The following JARID2 variants were observed in gnomAD, a reference collection of about 807,000 sequenced individuals.
The protein encoded by JARID2 is protein Jumonji.
Under a neutral mutation model 125.6 loss-of-function variants are expected in JARID2, and 21 were observed. That is an observed-to-expected ratio of 0.17 (90% CI 0.12 to 0.24). The LOEUF (loss-of-function observed/expected upper bound fraction) is 0.24, where lower values mean the gene tolerates loss of function less well. Among genes scored for constraint, JARID2 ranks in the 10% least tolerant of loss-of-function variants. The probability of loss-of-function intolerance (pLI) is 1.00; values close to 1 mark genes in which losing one functional copy is unlikely to be tolerated. For missense variants in JARID2, 1,303 were observed against 1,639.6 expected (o/e 0.79, Z 3.55); for synonymous variants, 736 against 661.6 (o/e 1.11, Z -1.73).
At chr6:15,251,734 T>C (rs1473664978) in intron 1 of JARID2, among the ~76,000 whole-genome samples, 3 of 144,644 alleles carry the variant, frequency 2.1e-5, no homozygotes, top group Non-Finnish European at 4.5e-5. Context: ...ATCCCAGCAC[T>C]TTGGGAGGCT....
chr6:15,446,118 AC>A (rs1353734459), intron 3 of JARID2, among the ~76,000 whole-genome samples: 1 of 152,030 alleles, frequency 6.6e-6, no homozygotes, highest in Non-Finnish European at 1.5e-5. Flanking sequence ...CCATGTGTGT[AC>A]TGTATTCTGT....
At chr6:15,366,920 T>C (rs561288114) in intron 1 of JARID2, among the ~76,000 whole-genome samples, 11 of 152,320 alleles carry the variant, frequency 7.2e-5, no homozygotes, top group African/African-American at 2.6e-4. Flanking sequence ...ATTTGTTTTA[T>C]AATATTTATT....
intron 3 of JARID2, among the ~76,000 whole-genome samples, chr6:15,410,736 A>T (rs1004466323): frequency 6.6e-6 from 1 of 152,216 alleles, no homozygotes; most frequent in African/African-American, 2.4e-5. Context: ...CTTTCTAAAA[A>T]TTTGAAGAAG....
In JARID2 at chr6:15,350,835, A is replaced by G. The variant is rs575991530; in HGVS notation, c.46-23282A>G. Among the ~76,000 whole-genome samples the G allele has an allele frequency of 4.0e-5, 6 of 151,862 alleles. No homozygotes were observed. In the East Asian group the frequency reaches 1.2e-3, roughly 29 times the overall value. On this transcript the variant is annotated intron_variant, in intron 1 of 17. Transcript: ENST00000341776. ...ATTTGGTGTGGGAGGAATGACCAAA[A>G]TTTCACTTTTGATTGCAAAATAACT... is the stretch of plus-strand genomic sequence containing the variant.
In JARID2 at chr6:15,512,237, G is replaced by T. The variant is rs778096519; in HGVS notation, c.2982G>T (p.Gly994=). The T allele has an allele frequency of 5.0e-6, 8 of 1,614,162 alleles. No homozygotes were observed. Among genetic ancestry groups the T allele is most frequent in the Non-Finnish European group, 2.5e-6 (3 of 1,180,022 alleles). The change falls in exon 14 of 18, where the codon GGG becomes GGT. Residue 994 remains glycine, a synonymous_variant. Coordinates refer to ENST00000341776, the MANE Select transcript of JARID2 (RefSeq NM_004973.4). The part of the protein sequence containing the change: ...MISPEVLCKE[G]IKVHRTVQQS... ...CCCCGGAGGTGCTGTGCAAAGAGGGGATCAAGGTGCACAGGACCGTGCAGC... is the reference window on the plus strand; with the variant it reads ...CCCCGGAGGTGCTGTGCAAAGAGGGTATCAAGGTGCACAGGACCGTGCAGC...
intron 3 of JARID2, among the ~76,000 whole-genome samples, chr6:15,443,116 T>C (rs1485846411): frequency 6.6e-6 from 1 of 152,130 alleles, no homozygotes; most frequent in Non-Finnish European, 1.5e-5. Context: ...CCTTTCTCTC[T>C]GATGCCTGTT....
chr6:15,369,332 A>C (rs766883152), intron 1 of JARID2: 2 of 460,716 alleles, frequency 4.3e-6, no homozygotes, highest in South Asian at 3.1e-5. Context: ...TTATGACCAT[A>C]TACAAGTTTG....
intron 12 of JARID2, among the ~76,000 whole-genome samples, chr6:15,509,970 G>C (rs1345051243): frequency 6.6e-6 from 1 of 152,158 alleles, no homozygotes; most frequent in Non-Finnish European, 1.5e-5. Context: ...ATCAGTAACA[G>C]AATATGTTGG....
chr6:15,282,441 G>A (rs768779357), intron 1 of JARID2, among the ~76,000 whole-genome samples: 2 of 151,816 alleles, frequency 1.3e-5, no homozygotes, highest in South Asian at 2.1e-4. Flanking sequence ...AGCCTTTTTC[G>A]TTGGTCTGTC....
chr6:15,505,899 C>T (rs541355038), intron 9 of JARID2, among the ~76,000 whole-genome samples: 81 of 152,378 alleles, frequency 5.3e-4, no homozygotes, highest in Middle Eastern at 6.8e-3. Context: ...ACTTGGCTTT[C>T]TGGGGCTGAG....
At chr6:15,294,414 G>A (rs12205420) in intron 1 of JARID2, among the ~76,000 whole-genome samples, 5,335 of 152,242 alleles carry the variant, frequency 0.035, 146 homozygotes, top group South Asian at 0.11. Flanking sequence ...GGATGGTCTC[G>A]ATCTCCTGGC....
intron 3 of JARID2, among the ~76,000 whole-genome samples, chr6:15,440,752 T>C (rs16876354): frequency 0.13 from 20,391 of 152,286 alleles, 1,497 homozygotes; most frequent in Middle Eastern, 0.18. Context: ...TGTGCCGTTG[T>C]TTCAGCATCA....
At chr6:15,413,876 C>G (rs1437572827) in intron 3 of JARID2, among the ~76,000 whole-genome samples, 1 of 152,330 alleles carries the variant, frequency 6.6e-6, no homozygotes, top group East Asian at 1.9e-4. Flanking sequence ...ATCTCACCCT[C>G]TCAGCACTGT....
In JARID2 at chr6:15,514,345, G is replaced by A. The variant is rs114055928; in HGVS notation, c.3450+923G>A. On this transcript the variant is annotated intron_variant, in intron 16 of 17. Coordinates refer to ENST00000341776, the MANE Select transcript of JARID2 (RefSeq NM_004973.4). The stretch of plus-strand genomic sequence containing the variant: ...GGCCTGACCTGCCTCCCCGGGCCTC[G>A]TCCCTTTCCACAGTGCCTCACATCT... 1.5e-3 allele frequency among the ~76,000 whole-genome samples: 229 copies of A among 152,346 alleles called. 1 individual carries two copies. The Middle Eastern group carries it at 0.034, about 23-fold the overall frequency.
Position 15,517,172 on chromosome 6 carries a change from G to A in JARID2, c.3462G>A (p.Glu1154=). The part of the protein sequence containing the change: ...HLCYLSMVVQ[E]NENVVFCLEC... ...GCTCTTGCTTGCAGGTGGTACAAGA[G>A]AACGAAAACGTCGTGTTCTGTCTGG... The change falls in exon 17 of 18, where the codon GAG becomes GAA. Residue 1154 remains glutamate (E), a synonymous_variant. Transcript: ENST00000341776. The A allele has an allele frequency of 1.2e-6, 2 of 1,613,676 alleles. No individual in the cohort carries two copies. Among genetic ancestry groups the A allele is most frequent in the South Asian group, 1.1e-5 (1 of 91,078 alleles).
intron 1 of JARID2, among the ~76,000 whole-genome samples, chr6:15,283,386 G>C (rs1376852631): frequency 6.8e-6 from 1 of 147,090 alleles, no homozygotes; most frequent in Non-Finnish European, 1.5e-5. Context: ...TGTGGCTCAG[G>C]CTGGAGCACA....
chr6:15,342,462 C>T (rs1470020704), intron 1 of JARID2, among the ~76,000 whole-genome samples: 3 of 152,160 alleles, frequency 2.0e-5, no homozygotes, highest in Non-Finnish European at 2.9e-5. Context: ...CCTGCATTGC[C>T]TCCTAGAATT....
Position 15,507,380 on chromosome 6 carries a change from A to G in JARID2, c.2695A>G (p.Thr899Ala). The change falls in exon 11 of 18, where the codon ACA becomes GCA. Residue 899 changes from threonine (T) to alanine (A), a missense_variant. By Grantham distance (58) the Thr-to-Ala change is moderately conservative. Around this residue, in one of 11 missense-constraint regions of JARID2, gnomAD observed 27 missense variants for 108.7 expected, o/e 0.25. Transcript: ENST00000341776. ...GAACCTCACCGTCCTCCCCAATAAC[A>G]CAGGGTCCATCCTGCGTCACCTCGG... ...GWNLTVLPNN[T>A]GSILRHLGAV... The G allele has an allele frequency of 1.2e-6, 2 of 1,614,078 alleles. No individual in the cohort carries two copies. The highest frequency in any genetic ancestry group is 1.7e-6 in the Non-Finnish European group (2 of 1,179,998).
chr6:15,483,574 G>A (rs1482919145), intron 5 of JARID2, among the ~76,000 whole-genome samples: 1 of 152,100 alleles, frequency 6.6e-6, no homozygotes, highest in Non-Finnish European at 1.5e-5. Context: ...ATGTACTGTA[G>A]CATGTATCAA....
Sources: gnomAD v4.1 joint callset for allele counts (sites outside exome capture counted in the v4.1 genomes callset) on GRCh38, gnomAD v4.1.1 for gene constraint, gnomAD v4.1.1 regional missense constraint, MANE v1.5 for transcripts, NCBI Gene and HGNC (gene_info 2026-07-23, HGNC 2026-07-21) for gene names.